IGDCC4: variants seen among roughly 807,000 people sequenced by gnomAD.
IGDCC4 encodes the protein likely ortholog of mouse neighbor of Punc E11.
In IGDCC4, 72 loss-of-function variants were observed where a neutral mutation model predicts 116.6. That is an observed-to-expected ratio of 0.62 (90% CI 0.51 to 0.75). IGDCC4 has a LOEUF of 0.75. IGDCC4 is among the 30% of genes least tolerant of loss of function. The pLI is 0.00. For missense variants in IGDCC4, 1,501 were observed against 1,662.4 expected, an observed-to-expected ratio of 0.90 and a Z score of 1.69; for synonymous variants, 709 against 719.9, an observed-to-expected ratio of 0.98 and a Z score of 0.24.
chr15:65,393,876 C>T lies in IGDCC4; in HGVS notation c.1715-345G>A, dbSNP rs916351687. ...GGCTGACCATGAAGGCCAGCAAGAA[C>T]GCCTGGCTTCCAGAGCCCTGAGGGC... is the stretch of plus-strand genomic sequence containing the variant. On this transcript the variant is annotated intron_variant, in intron 9 of 19. Transcript: ENST00000352385. The surrounding 1 kb of genome is among the most constrained non-coding windows in gnomAD (Gnocchi z 4.6). Among the ~76,000 whole-genome samples the T allele has an allele frequency of 3.9e-5, 6 of 152,324 alleles. No individual in the cohort carries two copies. The South Asian group carries it at 8.3e-4, about 21-fold the overall frequency.
chr15:65,394,364 C>T (rs530002570), intron 9 of IGDCC4, 47 bp downstream of exon 9: 10 of 1,609,002 alleles, frequency 6.2e-6, no homozygotes, highest in Non-Finnish European at 8.5e-6. Flanking sequence ...CAGCTCTTCA[C>T]GTTGATCATT....
chr15:65,400,932 T>G lies in IGDCC4; in HGVS notation c.715A>C (p.Thr239Pro). Residue 239 changes from threonine to proline, a missense_variant, in exon 5 of 20, where the codon ACC becomes CCC. Physicochemically the swap from Thr to Pro is conservative, Grantham distance 38. Transcript: ENST00000352385. ...ACAATGACCACGTCCTGCCCCCTGG[T>G]GGACGCCAGGGACCCTGGCGAGAAG... is the stretch of plus-strand genomic sequence containing the variant. ...SVAHRGSLAS[T>P]RGQDVVIVAA... is the part of the protein sequence containing the mutation. 1 of 1,614,002 alleles carries G rather than the reference T, an allele frequency of 6.2e-7. No homozygotes were observed. Among genetic ancestry groups the G allele is most frequent in the Non-Finnish European group, 8.5e-7 (1 of 1,179,966 alleles).
Position 65,411,374 on chromosome 15 carries a change from C to A in IGDCC4, c.71-4G>T. On this transcript the variant is annotated splice_polypyrimidine_tract_variant and splice_region_variant and intron_variant, in intron 1 of 19. Transcript: ENST00000352385. ...TCCTGGGGCAACAGCAGCTCCCCTGCATAGAGGAGGAGCACGGGGCCATCA... is the reference window on the plus strand; with the variant it reads ...TCCTGGGGCAACAGCAGCTCCCCTGAATAGAGGAGGAGCACGGGGCCATCA... 1 of 1,553,768 alleles carries A rather than the reference C, an allele frequency of 6.4e-7. No homozygotes were observed. The highest frequency in any genetic ancestry group is 1.4e-5 in the African/African-American group (1 of 73,798).
intron 8 of IGDCC4, 136 bp from the exon 9 acceptor site, chr15:65,394,684 G>A: frequency 1.1e-6 from 1 of 870,134 alleles, no homozygotes; most frequent in Non-Finnish European, 1.7e-6. Context: ...AGGAAAGGGA[G>A]CTTCTCAGGG....
At position 65,389,379 on chromosome 15, in the gene IGDCC4, T is replaced by A; in HGVS notation, c.2441A>T (p.Lys814Met). 1 of 1,614,190 alleles carries A rather than the reference T, an allele frequency of 6.2e-7. No individual in the cohort carries two copies. The highest frequency in any genetic ancestry group is 1.3e-5 in the African/African-American group (1 of 75,044). Residue 814 changes from lysine to methionine, a missense_variant, in exon 14 of 20, where the codon AAG becomes ATG. Physicochemically the swap from Lys to Met is moderately conservative, Grantham distance 95. This residue lies in a region of IGDCC4 where 235 missense variants were observed against 328.0 expected (regional missense o/e 0.72). Coordinates refer to ENST00000352385, the MANE Select transcript of IGDCC4 (RefSeq NM_020962.3). ...SGEDILIGGL[K>M]PFTKYEFAVQ... ...TGCAAACTCGTATTTGGTGAATGGC[T>A]TCAAGCCGCCAATGAGGATGTCTTC...
At chr15:65,392,853 A>G (rs1297385143) in intron 10 of IGDCC4, among the ~76,000 whole-genome samples, 3 of 152,100 alleles carry the variant, frequency 2.0e-5, no homozygotes, top group East Asian at 1.9e-4. Context: ...TGTAGTTATT[A>G]TAACTTTATC....
At chr15:65,390,792 AT>A (rs763379905) in intron 12 of IGDCC4, among the ~76,000 whole-genome samples, 2 of 152,214 alleles carry the variant, frequency 1.3e-5, no homozygotes, top group African/African-American at 2.4e-5. Context: ...TAAACACTAT[AT>A]TTATAAGTGT....
rs1245806293 is a variant in IGDCC4 at position 65,400,803 on chromosome 15, C to T, written c.841+3G>A. 6.3e-7 allele frequency: 1 copy of T among 1,595,614 alleles called. No individual in the cohort carries two copies. Among genetic ancestry groups the T allele is most frequent in the Non-Finnish European group, 8.6e-7 (1 of 1,169,396 alleles). On this transcript the variant is annotated splice_donor_region_variant and intron_variant, in intron 5 of 19. Coordinates refer to ENST00000352385, the MANE Select transcript of IGDCC4 (RefSeq NM_020962.3). Reference sequence around the variant, plus strand: ...CCCTCCTTCTCCCACCCCCTCCACTCACCTTGTCGGACCCAGGACACAAAA... The same window carrying T: ...CCCTCCTTCTCCCACCCCCTCCACTTACCTTGTCGGACCCAGGACACAAAA...
Position 65,415,834 on chromosome 15 carries a change from G to T in IGDCC4, c.71-4464C>A, listed in dbSNP as rs1261462800. ...CACGTGCCAGCCCTTCTGTGAGGCT[G>T]CTCCTACCTTCCCCAGGTAAAGTTT... is the stretch of plus-strand genomic sequence containing the variant. On this transcript the variant is annotated intron_variant, in intron 1 of 19. Coordinates refer to ENST00000352385, the MANE Select transcript of IGDCC4 (RefSeq NM_020962.3). Among the ~76,000 whole-genome samples, 4 of 152,266 alleles carry T rather than the reference G, an allele frequency of 2.6e-5. No homozygotes were observed. The South Asian group carries it at 8.3e-4, about 32-fold the overall frequency.
intron 18 of IGDCC4, 52 bp downstream of exon 18, chr15:65,385,779 G>T (rs2091449223): frequency 7.0e-7 from 1 of 1,427,190 alleles, no homozygotes; most frequent in Non-Finnish European, 9.9e-7. Flanking sequence ...GTGCTCTGTC[G>T]CCCCCTGGTG....
intron 12 of IGDCC4, 35 bp from the exon 13 acceptor site, chr15:65,390,373 G>A (rs1217487404): frequency 1.3e-6 from 2 of 1,520,792 alleles, no homozygotes; most frequent in Non-Finnish European, 1.8e-6. Flanking sequence ...AGGAAGGGAG[G>A]GAGGATACTC....
chr15:65,388,648 G>A, intron 15 of IGDCC4, 62 bp from the exon 16 acceptor site: 2 of 1,608,950 alleles, frequency 1.2e-6, no homozygotes, highest in South Asian at 2.2e-5. Flanking sequence ...TGCAGAGGTG[G>A]GCAGGGAGGG....
chr15:65,422,924 G>A lies in IGDCC4; in HGVS notation c.-62C>T. 2.1e-6 allele frequency: 2 copies of A among 968,122 alleles called. No homozygotes were observed. Among genetic ancestry groups the A allele is most frequent in the South Asian group, 9.3e-5 (2 of 21,616 alleles). 60.0% of individuals were successfully genotyped at this position (968,122 alleles called of 1,614,324 possible). On this transcript the variant is annotated 5_prime_UTR_variant, in exon 1 of 20. Coordinates refer to ENST00000352385, the MANE Select transcript of IGDCC4 (RefSeq NM_020962.3). ...CCCCGTGCTTCGGCCGCCGCCGCGG[G>A]GGGAGAGCGCGCCGGGCGTCAGTGG...
chr15:65,422,901 C>G lies in IGDCC4; in HGVS notation c.-39G>C. 1 of 1,009,220 alleles carries G rather than the reference C, an allele frequency of 9.9e-7. No homozygotes were observed. The highest frequency in any genetic ancestry group is 8.4e-5 in the East Asian group (1 of 11,944). The allele number at this position is 1,009,220 out of a possible 1,614,324, so 62.5% of individuals were successfully genotyped here. On this transcript the variant is annotated 5_prime_UTR_variant, in exon 1 of 20. Coordinates refer to ENST00000352385, the MANE Select transcript of IGDCC4 (RefSeq NM_020962.3). ...GGCCGCCGCCGCCGCCGCCGCCTCC[C>G]CGTGCTTCGGCCGCCGCCGCGGGGG...
chr15:65,409,064 G>A (rs1489826811), intron 3 of IGDCC4, among the ~76,000 whole-genome samples: 1 of 151,888 alleles, frequency 6.6e-6, no homozygotes, highest in Non-Finnish European at 1.5e-5. Flanking sequence ...TGAACTCCTG[G>A]GCTCAAGTGA....
In IGDCC4 at chr15:65,400,946, C is replaced by T; in HGVS notation, c.701G>A (p.Gly234Glu). 6.2e-7 allele frequency: 1 copy of T among 1,614,046 alleles called. No individual in the cohort carries two copies. The highest frequency in any genetic ancestry group is 8.5e-7 in the Non-Finnish European group (1 of 1,180,020). Residue 234 changes from glycine (G) to glutamate (E), a missense_variant and splice_region_variant, in exon 5 of 20, where the codon GGG becomes GAG. Gly to Glu is a moderately conservative substitution (Grantham distance 98, BLOSUM62 -2). Coordinates refer to ENST00000352385, the MANE Select transcript of IGDCC4 (RefSeq NM_020962.3). ...QEALLSVAHRGSLASTRGQDV... is the reference protein window; with the variant it reads ...QEALLSVAHRESLASTRGQDV... Reference sequence around the variant, plus strand: ...CTGCCCCCTGGTGGACGCCAGGGACCCTGGCGAGAAGACAGACCAGCAGGC... The same window carrying T: ...CTGCCCCCTGGTGGACGCCAGGGACTCTGGCGAGAAGACAGACCAGCAGGC...
chr15:65,410,838 G>T, intron 2 of IGDCC4, 182 bp downstream of exon 2: 1 of 595,444 alleles, frequency 1.7e-6, no homozygotes, highest in Non-Finnish European at 3.0e-6. Context: ...GAAGATTATG[G>T]AATACCCAAG....
In IGDCC4 at chr15:65,383,918, T is replaced by G. The variant is rs2091426305; in HGVS notation, c.*91A>C. 7.9e-7 allele frequency: 1 copy of G among 1,260,404 alleles called. No homozygotes were observed. Among genetic ancestry groups the G allele is most frequent in the Non-Finnish European group, 1.1e-6 (1 of 930,064 alleles). The allele number at this position is 1,260,404 out of a possible 1,614,324, so 78.1% of individuals were successfully genotyped here. A position where few individuals can be genotyped will look rare whatever the true frequency, so the allele number is the denominator to read the frequency against. On this transcript the variant is annotated 3_prime_UTR_variant, in exon 20 of 20. Coordinates refer to ENST00000352385, the MANE Select transcript of IGDCC4 (RefSeq NM_020962.3). ...GCTCCAAAGGGCTTGATGATGTATC[T>G]ACAGGCACACATGTGGACATACACG...
Position 65,384,193 on chromosome 15 carries a change from G to C in IGDCC4, c.3569C>G (p.Ala1190Gly), listed in dbSNP as rs139285256. 2,650 of 1,611,328 alleles carry C rather than the reference G, an allele frequency of 1.6e-3. 5 individuals carry two copies. The highest frequency in any genetic ancestry group is 2.0e-3 in the Non-Finnish European group (2,324 of 1,178,252). ...LDRELGGCEL[A>G]APGPDRLTCL... ...GGTAAGTCTGTCTGGCCCGGGGGCT[G>C]CCAGCTCACACCCTCCCAACTCCCT... Residue 1190 changes from alanine (A) to glycine (G), a missense_variant, in exon 20 of 20, where the codon GCA (alanine) becomes GGA (glycine). Coordinates refer to ENST00000352385, the MANE Select transcript of IGDCC4 (RefSeq NM_020962.3). This position sits in a 1 kb window ranked among gnomAD's most constrained non-coding sequence, Gnocchi z 4.9.
Sources: gnomAD v4.1 joint callset for allele counts (sites outside exome capture counted in the v4.1 genomes callset) on GRCh38, gnomAD v4.1.1 for gene constraint, gnomAD v4.1.1 regional missense constraint, Gnocchi (gnomAD v3.1) non-coding constraint, MANE v1.5 for transcripts, NCBI Gene and HGNC (gene_info 2026-07-23, HGNC 2026-07-21) for gene names.